The following PRDM7 variants were observed in gnomAD, a reference collection of about 807,000 sequenced individuals.
The protein encoded by PRDM7 is histone-lysine N-methyltransferase PRDM7.
In PRDM7, 52 loss-of-function variants were observed where a neutral mutation model predicts 64.3. The observed-to-expected ratio is 0.81, with a 90% CI of 0.65 to 1.02. PRDM7 has a LOEUF of 1.02. PRDM7 is among the 50% of genes least tolerant of loss of function. The probability of loss-of-function intolerance (pLI) is 0.00; values close to 1 mark genes in which losing one functional copy is unlikely to be tolerated. For missense variants in PRDM7, 574 were observed against 597.1 expected (o/e 0.96, Z 0.40); for synonymous variants, 192 against 210.1 (o/e 0.91, Z 0.74).
chr16:90,067,102 A>T (rs1045269918), intron 4 of PRDM7, among the ~76,000 whole-genome samples, 192 bp from the exon 5 acceptor site: 2 of 151,112 alleles, frequency 1.3e-5, no homozygotes, highest in Non-Finnish European at 2.9e-5. Flanking sequence ...GTTGTTGGGA[A>T]CTACAGGTGT....
chr16:90,066,136 A>G (rs1417885448), intron 5 of PRDM7, among the ~76,000 whole-genome samples: 1 of 151,444 alleles, frequency 6.6e-6, no homozygotes, highest in African/African-American at 2.5e-5. Flanking sequence ...GGTGTAACCT[A>G]TATGAAGTCC....
At chr16:90,059,809 T>C (rs1208681146) in intron 10 of PRDM7, among the ~76,000 whole-genome samples, 2 of 152,258 alleles carry the variant, frequency 1.3e-5, no homozygotes, top group Non-Finnish European at 2.9e-5. Flanking sequence ...CGCCGTCTGA[T>C]ATTACACATA....
At chr16:90,074,828 A>G in intron 4 of PRDM7, 88 bp downstream of exon 4, 1 of 1,352,940 alleles carries the variant, frequency 7.4e-7, no homozygotes, top group South Asian at 1.2e-5. Flanking sequence ...GCCGTGAGCC[A>G]AGATCACGCC....
chr16:90,060,698 C>T, intron 9 of PRDM7, 75 bp from the exon 10 acceptor site: 1 of 1,579,374 alleles, frequency 6.3e-7, no homozygotes, highest in Non-Finnish European at 8.7e-7. Context: ...AATGCTCATC[C>T]TGCCTAGAAT....
chr16:90,069,266 C>T lies in PRDM7; in HGVS notation c.302-2356G>A, dbSNP rs1261238089. ...CAAGACTACACAATGGAGGAAAGGA[C>T]AGTCTGCAAGAAATTGTGTTGGGAA... On this transcript the variant is annotated intron_variant, in intron 4 of 10. Coordinates refer to ENST00000449207, the MANE Select transcript of PRDM7 (RefSeq NM_001098173.2). Among the ~76,000 whole-genome samples, 8 of 151,236 alleles carry T rather than the reference C, an allele frequency of 5.3e-5. 1 individual carries two copies. The highest frequency in any genetic ancestry group is 3.9e-4 in the Admixed American group (6 of 15,218).
chr16:90,062,597 C>T (rs891252466), intron 6 of PRDM7, 95 bp from the exon 7 acceptor site: 9 of 1,105,366 alleles, frequency 8.1e-6, no homozygotes, highest in African/African-American at 7.7e-5. Flanking sequence ...ATCAAATTAG[C>T]ATCTACCTTT....
chr16:90,061,913 C>A lies in PRDM7; in HGVS notation c.882+8G>T, dbSNP rs2037784598. 6.2e-7 allele frequency: 1 copy of A among 1,614,226 alleles called. No homozygotes were observed. Among genetic ancestry groups the A allele is most frequent in the East Asian group, 2.2e-5 (1 of 44,894 alleles). ...GACAGAACAGGGGAAACAGCAGGCT[C>A]TTCTTACTAGCCAGGAATATCCACT... On this transcript the variant is annotated splice_region_variant and intron_variant, in intron 8 of 10. Coordinates refer to ENST00000449207, the MANE Select transcript of PRDM7 (RefSeq NM_001098173.2).
intron 4 of PRDM7, among the ~76,000 whole-genome samples, chr16:90,068,200 A>T (rs1014417626): frequency 1.3e-5 from 2 of 150,740 alleles, no homozygotes; most frequent in African/African-American, 2.5e-5. Context: ...AATCACTTGA[A>T]TCTGGGAGGC....
Position 90,062,251 on chromosome 16 carries a change from G to A in PRDM7, c.611-59C>T. 3.7e-6 allele frequency: 6 copies of A among 1,614,106 alleles called. No individual in the cohort carries two copies. The South Asian group carries it at 4.4e-5, about 12-fold the overall frequency. On this transcript the variant is annotated intron_variant, in intron 7 of 10. Coordinates refer to ENST00000449207, the MANE Select transcript of PRDM7 (RefSeq NM_001098173.2). ...GTAATGCATGTTCCTTGATATAAGA[G>A]CTTCAGAAAGAGCGTGGCACTCACA...
Position 90,069,770 on chromosome 16 carries a change from C to T in PRDM7, c.302-2860G>A, listed in dbSNP as rs2037929702. On this transcript the variant is annotated intron_variant, in intron 4 of 10. Transcript: ENST00000449207. ...AAAAAGAAGATAAAGAGTTAATATCCAGGCCAGGCACTGTGGCTCATGGGT... is the reference window on the plus strand; with the variant it reads ...AAAAAGAAGATAAAGAGTTAATATCTAGGCCAGGCACTGTGGCTCATGGGT... 2.0e-5 allele frequency among the ~76,000 whole-genome samples: 3 copies of T among 151,092 alleles called. 1 individual carries two copies. The highest frequency in any genetic ancestry group is 7.4e-5 in the African/African-American group (3 of 40,602).
At chr16:90,059,710 C>T (rs1358806301) in intron 10 of PRDM7, among the ~76,000 whole-genome samples, 1 of 152,226 alleles carries the variant, frequency 6.6e-6, no homozygotes, top group Non-Finnish European at 1.5e-5. Context: ...ACCCCCAGGT[C>T]TCACACTGAC....
rs1426748425 is a variant in PRDM7, at chr16:90,066,867, G to T, written c.345C>A (p.His115Gln). ...WMAFRGEQSKHQKGMPKASFN... is the reference protein window; with the variant it reads ...WMAFRGEQSKQQKGMPKASFN... The stretch of plus-strand genomic sequence containing the variant: ...GGATTTGGGAGATACTTACCTTCTG[G>T]TGTTTACTCTGTTCTCCTCTGAAGG... Residue 115 changes from histidine (H) to glutamine (Q), a missense_variant, in exon 5 of 11, where the codon CAC (histidine) becomes CAA (glutamine). His to Gln is a conservative substitution (Grantham distance 24). Coordinates refer to ENST00000449207, the MANE Select transcript of PRDM7 (RefSeq NM_001098173.2). The T allele has an allele frequency of 6.3e-7, 1 of 1,592,046 alleles. No individual in the cohort carries two copies. The highest frequency in any genetic ancestry group is 1.7e-5 in the Admixed American group (1 of 59,766).
intron 5 of PRDM7, among the ~76,000 whole-genome samples, chr16:90,065,393 G>GA (rs35014946): frequency 0.066 from 6,080 of 92,628 alleles, 221 homozygotes; most frequent in East Asian, 0.17. Context: ...AACTCTGTCT[G>GA]AAAAAAAAAA....
At chr16:90,058,734 C>G (rs2037720833) in intron 10 of PRDM7, among the ~76,000 whole-genome samples, 200 bp from the exon 11 acceptor site, 1 of 152,080 alleles carries the variant, frequency 6.6e-6, no homozygotes, top group Non-Finnish European at 1.5e-5. Context: ...TCCAGAAATC[C>G]CACATCTTGG....
intron 5 of PRDM7, among the ~76,000 whole-genome samples, chr16:90,064,724 C>CTT (rs200484353): frequency 7.4e-6 from 1 of 134,688 alleles, no homozygotes. Context: ...CATGCTAATT[C>CTT]TTTTTTTTTT....
chr16:90,058,927 C>T (rs1005077947), intron 10 of PRDM7, among the ~76,000 whole-genome samples: 8 of 152,076 alleles, frequency 5.3e-5, no homozygotes, highest in East Asian at 1.9e-4. Flanking sequence ...GGCACTTTTG[C>T]GACGCGAGGT....
rs2037892858 is a variant in PRDM7, at chr16:90,067,397, C to A, written c.302-487G>T. On this transcript the variant is annotated intron_variant, in intron 4 of 10. Transcript: ENST00000449207. The stretch of plus-strand genomic sequence containing the variant: ...GCCTATGCTTCTATTGGGGGCATTG[C>A]TAATTTTCTTAAGATTTAAAAAAAT... Among the ~76,000 whole-genome samples the A allele has an allele frequency of 1.3e-5, 2 of 150,946 alleles. 1 individual carries two copies. The highest frequency in any genetic ancestry group is 2.9e-5 in the Non-Finnish European group (2 of 67,936).
At position 90,075,919 on chromosome 16, in the gene PRDM7, G is replaced by A. The variant is rs1380034191; in HGVS notation, c.-9C>T. 1 of 1,613,216 alleles carries A rather than the reference G, an allele frequency of 6.2e-7. No homozygotes were observed. Reference sequence around the variant, plus strand: ...GACCTTTCAGGGCTCATGGTGCTGGGACTGTCTAGAAGGCCCTGCTCCAAT... The same window carrying A: ...GACCTTTCAGGGCTCATGGTGCTGGAACTGTCTAGAAGGCCCTGCTCCAAT... On this transcript the variant is annotated 5_prime_UTR_variant, in exon 2 of 11. Transcript: ENST00000449207. This position sits in a 1 kb window ranked among gnomAD's most constrained non-coding sequence, Gnocchi z 4.3.
intron 5 of PRDM7, among the ~76,000 whole-genome samples, chr16:90,064,180 G>A (rs1193003657): frequency 6.6e-6 from 1 of 152,060 alleles, no homozygotes; most frequent in South Asian, 2.1e-4. Flanking sequence ...GAGGTAATAG[G>A]GCAGTAAGGT....
Sources: allele counts gnomAD v4.1 joint callset (sites outside exome capture counted in the v4.1 genomes callset), GRCh38; gene constraint gnomAD v4.1.1; non-coding constraint Gnocchi (gnomAD v3.1); transcripts MANE v1.5; gene names NCBI Gene and HGNC (gene_info 2026-07-23, HGNC 2026-07-21).